FCRL5: variants seen among roughly 807,000 people sequenced by gnomAD.
The protein encoded by FCRL5 is Fc receptor like 5.
Under a neutral mutation model 92.1 loss-of-function variants are expected in FCRL5, and 79 were observed. The observed-to-expected ratio is 0.86, with a 90% CI of 0.72 to 1.03. The LOEUF (loss-of-function observed/expected upper bound fraction) is 1.03, where lower values mean the gene tolerates loss of function less well. Among genes scored for constraint, FCRL5 ranks in the 50% least tolerant of loss-of-function variants. The probability of loss-of-function intolerance (pLI) is 0.00; values close to 1 mark genes in which losing one functional copy is unlikely to be tolerated. For synonymous variants in FCRL5, 466 were observed against 469.3 expected (o/e 0.99, Z 0.09); for missense variants, 1,160 against 1,181.1 (o/e 0.98, Z 0.26).
chr1:157,517,352 G>T lies in FCRL5; in HGVS notation c.2812+1077C>A, dbSNP rs144567386. On this transcript the variant is annotated intron_variant, in intron 15 of 16. Transcript: ENST00000361835. Reference sequence around the variant, plus strand: ...AATAATGTGCCCCCAAAGATGTCACGCCCTAATTGCTGCAACCTGTGACTA... The same window carrying T: ...AATAATGTGCCCCCAAAGATGTCACTCCCTAATTGCTGCAACCTGTGACTA... 2.4e-3 allele frequency among the ~76,000 whole-genome samples: 372 copies of T among 152,280 alleles called. 1 individual carries two copies. Among genetic ancestry groups the T allele is most frequent in the Middle Eastern group, 3.4e-3 (1 of 294 alleles).
chr1:157,537,336 G>A (rs12122356), intron 7 of FCRL5, among the ~76,000 whole-genome samples: 13,302 of 152,124 alleles, frequency 0.087, 1,556 homozygotes, highest in African/African-American at 0.27. Context: ...TATGATCGTT[G>A]CTGAGGGATG....
In FCRL5 at chr1:157,521,169, T is replaced by G. The variant is rs1376317193; in HGVS notation, c.2363A>C (p.His788Pro). Reference protein sequence around the residue: ...GSPLILYRFFHEDVTLGNRSS... With the variant: ...GSPLILYRFFPEDVTLGNRSS... Reference sequence around the variant, plus strand: ...CCTATTTCCTAGGGTGACATCCTCATGAAAAAACCGGTACAGGATCAGGGG... The same window carrying G: ...CCTATTTCCTAGGGTGACATCCTCAGGAAAAAACCGGTACAGGATCAGGGG... The change falls in exon 11 of 17, where the codon CAT becomes CCT. Residue 788 changes from histidine to proline, a missense_variant. Physicochemically the swap from His to Pro is moderately conservative, Grantham distance 77 (BLOSUM62 -2). Coordinates refer to ENST00000361835, the MANE Select transcript of FCRL5 (RefSeq NM_031281.3). 6.2e-7 allele frequency: 1 copy of G among 1,613,936 alleles called. No homozygotes were observed. Among genetic ancestry groups the G allele is most frequent in the African/African-American group, 1.3e-5 (1 of 74,866 alleles).
chr1:157,536,862 AT>A (rs1252493142), intron 7 of FCRL5, among the ~76,000 whole-genome samples: 2 of 152,234 alleles, frequency 1.3e-5, no homozygotes, highest in Non-Finnish European at 2.9e-5. Flanking sequence ...AGTTCCCCAA[AT>A]TAATACTTTT....
In FCRL5 at chr1:157,546,934, C is replaced by T. The variant is rs1651565620; in HGVS notation, c.307+9G>A. 6.2e-7 allele frequency: 1 copy of T among 1,609,084 alleles called. No homozygotes were observed. The highest frequency in any genetic ancestry group is 1.3e-5 in the African/African-American group (1 of 74,734). On this transcript the variant is annotated intron_variant, in intron 3 of 16. Coordinates refer to ENST00000361835, the MANE Select transcript of FCRL5 (RefSeq NM_031281.3). The stretch of plus-strand genomic sequence containing the variant: ...TTCTAAAGTTGGTGCGTCTTTCACG[C>T]TCTCTCACCTGAAGAAAAATCCAAG...
rs758511781 is a variant in FCRL5 at position 157,519,759 on chromosome 1, C to T, written c.2644G>A (p.Ala882Thr). 3.1e-6 allele frequency: 5 copies of T among 1,613,912 alleles called. No homozygotes were observed. Among genetic ancestry groups the T allele is most frequent in the African/African-American group, 1.3e-5 (1 of 74,912 alleles). ...WLSRKAGRKPASDPARSPSDS... is the reference protein window; with the variant it reads ...WLSRKAGRKPTSDPARSPSDS... ...AGCTCTTACCTGGCGGGGTCAGAGGCAGGCTTTCTCCCTGTAAAGGAAAGC... is the reference window on the plus strand; with the variant it reads ...AGCTCTTACCTGGCGGGGTCAGAGGTAGGCTTTCTCCCTGTAAAGGAAAGC... The change falls in exon 13 of 17, where the codon GCC becomes ACC. Residue 882 changes from alanine to threonine, a missense_variant. Coordinates refer to ENST00000361835, the MANE Select transcript of FCRL5 (RefSeq NM_031281.3).
chr1:157,548,248 C>G (rs1044584015), intron 2 of FCRL5, among the ~76,000 whole-genome samples: 1 of 152,190 alleles, frequency 6.6e-6, no homozygotes, highest in African/African-American at 2.4e-5. Context: ...TTGGACGATG[C>G]CAAAAAACCA....
chr1:157,516,476 T>C (rs959579722), intron 15 of FCRL5, among the ~76,000 whole-genome samples: 1 of 152,260 alleles, frequency 6.6e-6, no homozygotes, highest in African/African-American at 2.4e-5. Flanking sequence ...ATGTGTCAGG[T>C]ACAGTCCTGA....
intron 2 of FCRL5, among the ~76,000 whole-genome samples, chr1:157,547,978 T>C (rs1243576035): frequency 6.6e-6 from 1 of 152,240 alleles, no homozygotes; most frequent in African/African-American, 2.4e-5. Flanking sequence ...AGGATTTTAC[T>C]CCAAAGTGTA....
At chr1:157,545,856 G>T (rs1334986768) in intron 3 of FCRL5, among the ~76,000 whole-genome samples, 5 of 152,084 alleles carry the variant, frequency 3.3e-5, no homozygotes, top group Non-Finnish European at 7.4e-5. Flanking sequence ...CCATGTTAAG[G>T]TCTGCCATTT....
chr1:157,529,003 A>G (rs914611803), intron 8 of FCRL5, among the ~76,000 whole-genome samples: 1 of 152,234 alleles, frequency 6.6e-6, no homozygotes, highest in African/African-American at 2.4e-5. Flanking sequence ...CAAAAGAAAT[A>G]ATCAGCAGAG....
At chr1:157,540,803 T>A (rs191546920) in intron 6 of FCRL5, among the ~76,000 whole-genome samples, 2 of 152,220 alleles carry the variant, frequency 1.3e-5, no homozygotes, top group Non-Finnish European at 2.9e-5. Flanking sequence ...ATAATGACAC[T>A]ATAGTGTCTT....
At chr1:157,541,938 A>G (rs947359930) in intron 6 of FCRL5, 1 of 152,612 alleles carries the variant, frequency 6.6e-6, no homozygotes. Flanking sequence ...GGGCCACTGA[A>G]TGTCAGGGAC....
chr1:157,523,993 T>C (rs1170523026), intron 10 of FCRL5: 1 of 443,262 alleles, frequency 2.3e-6, no homozygotes, highest in African/African-American at 2.0e-5. Context: ...CATTTTCATG[T>C]AATAATTTCA....
chr1:157,520,583 G>A (rs1227251475), intron 11 of FCRL5, 36 bp from the exon 12 acceptor site: 4 of 1,528,926 alleles, frequency 2.6e-6, no homozygotes, highest in African/African-American at 1.4e-5. Flanking sequence ...CCAGAGGAGA[G>A]GCTGTGGTCT....
chr1:157,543,701 T>A (rs202083648), intron 5 of FCRL5, among the ~76,000 whole-genome samples: 39 of 152,300 alleles, frequency 2.6e-4, no homozygotes, highest in East Asian at 2.1e-3. Context: ...CTCATCACTG[T>A]AACTACCATA....
At chr1:157,540,959 G>A (rs959454588) in intron 6 of FCRL5, among the ~76,000 whole-genome samples, 44 of 152,136 alleles carry the variant, frequency 2.9e-4, no homozygotes, top group African/African-American at 1.1e-3. Context: ...CTGAGGCCCC[G>A]AGTGGGTGAG....
rs564897421 is a variant in FCRL5 at position 157,526,065 on chromosome 1, T to A, written c.1961-1508A>T. Reference sequence around the variant, plus strand: ...TTTAGATAAGAGAAGAGGGCATAAGTCAAAGTTCTGGAACATGCCAGTGCT... The same window carrying A: ...TTTAGATAAGAGAAGAGGGCATAAGACAAAGTTCTGGAACATGCCAGTGCT... On this transcript the variant is annotated intron_variant, in intron 9 of 16. Coordinates refer to ENST00000361835, the MANE Select transcript of FCRL5 (RefSeq NM_031281.3). Among the ~76,000 whole-genome samples the A allele has an allele frequency of 2.6e-5, 4 of 152,220 alleles. No individual in the cohort carries two copies. The South Asian group carries it at 8.3e-4, about 32-fold the overall frequency.
Position 157,527,641 on chromosome 1 carries a change from C to G in FCRL5, c.1936G>C (p.Asp646His), listed in dbSNP as rs1345787643. 1 of 1,611,352 alleles carries G rather than the reference C, an allele frequency of 6.2e-7. No individual in the cohort carries two copies. The highest frequency in any genetic ancestry group is 8.5e-7 in the Non-Finnish European group (1 of 1,178,540). Residue 646 changes from aspartate (D) to histidine (H), a missense_variant, in exon 9 of 17, where the codon GAC (aspartate) becomes CAC (histidine). By Grantham distance (81) the Asp-to-His change is moderately conservative. Transcript: ENST00000361835. ...CCTATAACACTGAGTGATATTGTGT[C>G]ACTGTGCTGGGCCACTAGGCCATTG... is the stretch of plus-strand genomic sequence containing the variant. Reference protein sequence around the residue: ...ANNGLVAQHSDTISLSVIVPV... With the variant: ...ANNGLVAQHSHTISLSVIVPV...
chr1:157,522,769 G>A (rs763962598), intron 10 of FCRL5: 1 of 152,170 alleles, frequency 6.6e-6, no homozygotes, highest in Admixed American at 6.5e-5. Context: ...ATGCATTTGC[G>A]ACAGAGAATT....
Sources: allele counts gnomAD v4.1 joint callset (sites outside exome capture counted in the v4.1 genomes callset), GRCh38; gene constraint gnomAD v4.1.1; transcripts MANE v1.5; gene names NCBI Gene and HGNC (gene_info 2026-07-23, HGNC 2026-07-21).